MYO15B: variants seen among roughly 807,000 people sequenced by gnomAD.
The protein encoded by MYO15B is myosin XVB pseudogene.
Under a neutral mutation model 119.3 loss-of-function variants are expected in MYO15B, and 207 were observed. The observed-to-expected ratio is 1.73, with a 90% confidence interval of 1.55 to 1.95. The LOEUF (loss-of-function observed/expected upper bound fraction) is 1.95. Among genes scored for constraint, MYO15B ranks in the 30% most tolerant of loss-of-function variants. The pLI is 0.00. For missense variants in MYO15B, 2,264 were observed against 1,203.1 expected (o/e 1.88, Z -13.04); for synonymous variants, 966 against 498.9 (o/e 1.94, Z -12.48).
In MYO15B at chr17:75,611,866, C is replaced by T; in HGVS notation, c.4505-20C>T. The stretch of plus-strand genomic sequence containing the variant: ...CCACACCTGGATGCTCCTGGGCTGC[C>T]TCCCGGTGCTTGTTCCCAGGCCATC... On this transcript the variant is annotated intron_variant, in intron 24 of 63. Transcript: ENST00000645453. The T allele has an allele frequency of 1.4e-6, 1 of 702,776 alleles. No individual in the cohort carries two copies. Among genetic ancestry groups the T allele is most frequent in the Non-Finnish European group, 2.6e-6 (1 of 384,944 alleles). The allele number at this position is 702,776 out of a possible 1,614,324, so 43.5% of individuals were successfully genotyped here. A position where few individuals can be genotyped will look rare whatever the true frequency, so the allele number is the denominator to read the frequency against.
At chr17:75,588,995 C>T (rs1036708055) in exon 1 of MYO15B, 1 of 397,934 alleles carries the variant, frequency 2.5e-6, no homozygotes, top group Non-Finnish European at 4.4e-6. Context: ...CAGGTGCCAG[C>T]GGCGGCAGGC....
chr17:75,588,338 A>C (rs1170504412), exon 1 of MYO15B: 1 of 398,472 alleles, frequency 2.5e-6, no homozygotes, highest in East Asian at 3.6e-5. Context: ...AGGCAAAGCA[A>C]CGCGCAGCGT....
intron 12 of MYO15B, among the ~76,000 whole-genome samples, chr17:75,595,840 G>A (rs893873318): frequency 3.3e-5 from 5 of 152,230 alleles, no homozygotes; most frequent in Non-Finnish European, 4.4e-5. Context: ...GGATCCTGCC[G>A]CCTCAGGACA....
rs564619521 is a variant in MYO15B at position 75,621,896 on chromosome 17, G to C, written c.8006-108G>C. 7.7e-6 allele frequency: 5 copies of C among 646,684 alleles called. No individual in the cohort carries two copies. The South Asian group carries it at 8.4e-5, about 11-fold the overall frequency. The allele number at this position is 646,684 out of a possible 1,614,324, so 40.1% of individuals were successfully genotyped here. A position where few individuals can be genotyped will look rare whatever the true frequency, so the allele number is the denominator to read the frequency against. ...CCTGGCTGGCATCTATGCATTTTGA[G>C]AGTGAGGCATCAGATGGCAGGTGAA... On this transcript the variant is annotated intron_variant, in intron 52 of 63. Coordinates refer to ENST00000645453, the Ensembl canonical transcript of MYO15B.
At chr17:75,622,487 C>T (rs951090874) in intron 53 of MYO15B, among the ~76,000 whole-genome samples, 6 of 152,208 alleles carry the variant, frequency 3.9e-5, no homozygotes, top group East Asian at 3.9e-4. Flanking sequence ...GCAGGGAGAA[C>T]GGAGGATGAG....
At chr17:75,595,366 G>T (rs1373821523) in intron 12 of MYO15B, among the ~76,000 whole-genome samples, 1 of 152,148 alleles carries the variant, frequency 6.6e-6, no homozygotes, top group African/African-American at 2.4e-5. Flanking sequence ...TCTCTGGGAT[G>T]GCTGGAGCCC....
At chr17:75,615,527 C>T (rs916103652) in exon 35 of MYO15B, 23 of 699,746 alleles carry the variant, frequency 3.3e-5, no homozygotes, top group South Asian at 8.9e-5. Context: ...CCGCAGCCAC[C>T]GCTTCCCAGC....
chr17:75,594,952 G>A (rs186110348), exon 12 of MYO15B: 761 of 703,068 alleles, frequency 1.1e-3, no homozygotes, highest in Non-Finnish European at 1.5e-3. Context: ...CGTCACTGTC[G>A]TGGATGCCTA....
exon 57 of MYO15B, chr17:75,624,415 G>A (rs981288437): frequency 7.1e-6 from 5 of 702,548 alleles, no homozygotes; most frequent in Middle Eastern, 4.6e-4. Context: ...GCCGGGGGGT[G>A]TGGATTATAG....
Position 75,595,760 on chromosome 17 carries a change from A to G in MYO15B, c.3298-700A>G, listed in dbSNP as rs145126989. 1.2e-4 allele frequency among the ~76,000 whole-genome samples: 18 copies of G among 152,292 alleles called. No homozygotes were observed. In the East Asian group the frequency reaches 2.1e-3, roughly 18 times the overall value. On this transcript the variant is annotated intron_variant, in intron 12 of 63. Transcript: ENST00000645453. ...CCTGTAGCCCCACTTCCCCCACGTCAGGAGGAAAGGGAAGAGGGAGAGTCC... is the reference window on the plus strand; with the variant it reads ...CCTGTAGCCCCACTTCCCCCACGTCGGGAGGAAAGGGAAGAGGGAGAGTCC...
exon 27 of MYO15B, chr17:75,612,991 G>GGAC (rs1470575130): frequency 1.2e-5 from 8 of 692,602 alleles, no homozygotes; most frequent in Non-Finnish European, 2.1e-5. Context: ...GGCTCCTGGG[G>GGAC]GACGGATCCC....
At chr17:75,605,604 C>T (rs1320165495) in exon 20 of MYO15B, 13 of 702,960 alleles carry the variant, frequency 1.8e-5, no homozygotes, top group Middle Eastern at 4.6e-4. Context: ...ACCTCTCTAT[C>T]ACCTTGGAGC....
At chr17:75,611,526 G>A (rs1221455692) in intron 23 of MYO15B, 75 bp from the exon 24 acceptor site, 1 of 691,304 alleles carries the variant, frequency 1.4e-6, no homozygotes, top group African/African-American at 1.8e-5. Flanking sequence ...TAATCTTGGG[G>A]TTGAGGGTGT....
Position 75,591,810 on chromosome 17 carries a change from C to G in MYO15B, c.2547+98C>G, listed in dbSNP as rs978817775. 17 of 688,068 alleles carry G rather than the reference C, an allele frequency of 2.5e-5. No individual in the cohort carries two copies. The African/African-American group carries it at 2.6e-4, about 11-fold the overall frequency. The allele number at this position is 688,068 out of a possible 1,614,324, so 42.6% of individuals were successfully genotyped here. ...GTCCAAGGGACTATCTTTCTCCTTT[C>G]AGCCAGGAGAGGGGTGGTCTCCAGG... On this transcript the variant is annotated intron_variant, in intron 5 of 63. Coordinates refer to ENST00000645453, the Ensembl canonical transcript of MYO15B.
In MYO15B at chr17:75,594,594, C is replaced by T. The variant is rs2056725689; in HGVS notation, c.3105+6C>T. The stretch of plus-strand genomic sequence containing the variant: ...CTGTCACCAGGAGGGTCACGGTGAG[C>T]CCGAGGGTCCTGGGGAGAGGGGCCT... On this transcript the variant is annotated splice_donor_region_variant and intron_variant, in intron 10 of 63. Coordinates refer to ENST00000645453, the Ensembl canonical transcript of MYO15B. The T allele has an allele frequency of 3.0e-6, 2 of 676,278 alleles. No homozygotes were observed. The highest frequency in any genetic ancestry group is 3.5e-5 in the African/African-American group (2 of 56,730). 41.9% of individuals were successfully genotyped at this position (676,278 alleles called of 1,614,324 possible). A position where few individuals can be genotyped will look rare whatever the true frequency, so the allele number is the denominator to read the frequency against.
exon 49 of MYO15B, chr17:75,620,518 T>A (rs1448612261): frequency 4.3e-6 from 3 of 702,654 alleles, no homozygotes; most frequent in Non-Finnish European, 7.8e-6. Flanking sequence ...CCTGCCGACA[T>A]AGTGCAGCCG....
At chr17:75,612,674 A>G in intron 25 of MYO15B, 124 bp from the exon 26 acceptor site, 1 of 627,026 alleles carries the variant, frequency 1.6e-6, no homozygotes, top group Non-Finnish European at 2.9e-6. Flanking sequence ...AAAAAAAAAA[A>G]AAAGGCATTA....
At chr17:75,621,550 T>C in exon 52 of MYO15B, 1 of 701,984 alleles carries the variant, frequency 1.4e-6, no homozygotes, top group Non-Finnish European at 2.6e-6. Flanking sequence ...GTGAGCAAGC[T>C]GGCTGTAGCC....
chr17:75,592,738 G>C (rs1018969539), exon 9 of MYO15B: 4 of 702,638 alleles, frequency 5.7e-6, no homozygotes, highest in Admixed American at 2.0e-5. Context: ...GGCTGCTGAA[G>C]GCACTGCAGG....
Sources: gnomAD v4.1 joint callset for allele counts (sites outside exome capture counted in the v4.1 genomes callset) on GRCh38, gnomAD v4.1.1 for gene constraint, MANE v1.5 for transcripts, NCBI Gene and HGNC (gene_info 2026-07-23, HGNC 2026-07-21) for gene names.